The following BCAS3 variants were observed in gnomAD, a reference collection of about 807,000 sequenced individuals.
BCAS3 encodes BCAS4/BCAS3 fusion.
In BCAS3, 53 loss-of-function variants were observed where a neutral mutation model predicts 116.1. The observed-to-expected ratio is 0.46, with a 90% CI of 0.37 to 0.57. BCAS3 has a LOEUF of 0.57. BCAS3 is among the 20% of genes least tolerant of loss of function. The probability of loss-of-function intolerance (pLI) is 0.00; values close to 1 mark genes in which losing one functional copy is unlikely to be tolerated. For synonymous variants in BCAS3, 391 were observed against 408.2 expected, an observed-to-expected ratio of 0.96 and a Z score of 0.51; for missense variants, 917 against 1,165.4, an observed-to-expected ratio of 0.79 and a Z score of 3.10.
intron 7 of BCAS3, among the ~76,000 whole-genome samples, chr17:60,822,420 GA>G (rs1171598080): frequency 3.9e-5 from 6 of 152,038 alleles, no homozygotes; most frequent in African/African-American, 1.4e-4. Flanking sequence ...TTGAGTTTGT[GA>G]ATTTCTCGTT....
intron 23 of BCAS3, chr17:61,384,797 A>C (rs904256083): frequency 1.3e-5 from 2 of 152,302 alleles, no homozygotes; most frequent in African/African-American, 4.8e-5. Context: ...CGTCCTCCCA[A>C]GCGCTCACTG....
chr17:60,988,360 T>TTTTTG (rs1555651709), intron 14 of BCAS3, among the ~76,000 whole-genome samples: 153 of 134,770 alleles, frequency 1.1e-3, no homozygotes, highest in African/African-American at 4.5e-3. Flanking sequence ...TTTTTTTTTT[T>TTTTTG]ATGTATGTGT....
At chr17:61,146,106 G>GTT (rs1293114440) in intron 22 of BCAS3, among the ~76,000 whole-genome samples, 607 of 29,894 alleles carry the variant, frequency 0.02, 10 homozygotes, top group African/African-American at 0.033. Flanking sequence ...TTACTTACTG[G>GTT]TTTTTTGTTT....
At chr17:61,317,801 A>G (rs889701158) in intron 22 of BCAS3, among the ~76,000 whole-genome samples, 3 of 152,334 alleles carry the variant, frequency 2.0e-5, no homozygotes, top group African/African-American at 7.2e-5. Context: ...ATAGGACAGA[A>G]GCCTAGTAAT....
rs954937462 is a variant in BCAS3 at position 61,188,160 on chromosome 17, C to T, written c.2425+103596C>T. Among the ~76,000 whole-genome samples, 2 of 152,192 alleles carry T rather than the reference C, an allele frequency of 1.3e-5. No individual in the cohort carries two copies. The highest frequency in any genetic ancestry group is 4.8e-5 in the African/African-American group (2 of 41,456). On this transcript the variant is annotated intron_variant, in intron 22 of 23. Coordinates refer to ENST00000407086, the MANE Select transcript of BCAS3 (RefSeq NM_017679.5). The surrounding 1 kb of genome is among the most constrained non-coding windows in gnomAD (Gnocchi z 4.0). ...TAGGATTTCAGGGATGTCTTCACCCCTAAAACAATCTCTCCTTGCTATTCT... is the reference window on the plus strand; with the variant it reads ...TAGGATTTCAGGGATGTCTTCACCCTTAAAACAATCTCTCCTTGCTATTCT...
chr17:60,715,284 C>T (rs1035831811), intron 5 of BCAS3, among the ~76,000 whole-genome samples: 1 of 151,674 alleles, frequency 6.6e-6, no homozygotes, highest in South Asian at 2.1e-4. Flanking sequence ...CAGGTGTGCG[C>T]CACCACACTC....
chr17:61,247,391 A>G (rs2048054864), intron 22 of BCAS3, among the ~76,000 whole-genome samples: 1 of 152,174 alleles, frequency 6.6e-6, no homozygotes, highest in African/African-American at 2.4e-5. Context: ...TGTTTAAAAT[A>G]CTTATATTTA....
At chr17:61,182,615 G>C (rs557212960) in intron 22 of BCAS3, among the ~76,000 whole-genome samples, 17 of 152,168 alleles carry the variant, frequency 1.1e-4, no homozygotes, top group Non-Finnish European at 1.8e-4. Flanking sequence ...CCACAACGGA[G>C]TTTTAGAATA....
At chr17:61,283,308 T>G (rs932398196) in intron 22 of BCAS3, among the ~76,000 whole-genome samples, 3 of 152,188 alleles carry the variant, frequency 2.0e-5, no homozygotes, top group African/African-American at 7.2e-5. Flanking sequence ...AAGCACCCAC[T>G]CTATGCTAAG....
At chr17:60,819,716 C>A (rs2049755628) in intron 7 of BCAS3, among the ~76,000 whole-genome samples, 1 of 152,014 alleles carries the variant, frequency 6.6e-6, no homozygotes, top group African/African-American at 2.4e-5. Flanking sequence ...TCCTTCCTCC[C>A]TTCCCCTCCC....
intron 13 of BCAS3, among the ~76,000 whole-genome samples, chr17:60,927,359 G>T (rs551218878): frequency 1.8e-4 from 28 of 151,850 alleles, no homozygotes; most frequent in Non-Finnish European, 2.9e-4. Flanking sequence ...AGGTTCAAGC[G>T]ATCCTTGTGC....
Position 61,256,053 on chromosome 17 carries a change from A to T in BCAS3, c.2426-112274A>T, listed in dbSNP as rs1163851181. 2.0e-5 allele frequency among the ~76,000 whole-genome samples: 3 copies of T among 152,226 alleles called. No individual in the cohort carries two copies. Among genetic ancestry groups the T allele is most frequent in the African/African-American group, 7.2e-5 (3 of 41,534 alleles). ...CATATTTATTTTCTGATTTTTTTTAACCTTTCAGTTAATAAATGTTTTCCA... is the reference window on the plus strand; with the variant it reads ...CATATTTATTTTCTGATTTTTTTTATCCTTTCAGTTAATAAATGTTTTCCA... On this transcript the variant is annotated intron_variant, in intron 22 of 23. Transcript: ENST00000407086. The surrounding 1 kb of genome is among the most constrained non-coding windows in gnomAD (Gnocchi z 5.6).
intron 23 of BCAS3, among the ~76,000 whole-genome samples, chr17:61,373,114 G>A (rs1245877707): frequency 3.3e-5 from 5 of 150,898 alleles, no homozygotes; most frequent in Admixed American, 6.6e-5. Flanking sequence ...TTTCTGAGAC[G>A]GAGTTTCGCT....
At chr17:61,072,692 A>G (rs558448926) in intron 19 of BCAS3, among the ~76,000 whole-genome samples, 203 of 151,770 alleles carry the variant, frequency 1.3e-3, no homozygotes, top group Middle Eastern at 6.8e-3. Context: ...AAAAAAAAAA[A>G]AAGAAGAAAG....
chr17:61,045,923 A>ATTAT (rs2068100689), intron 19 of BCAS3, among the ~76,000 whole-genome samples: 2 of 19,082 alleles, frequency 1.0e-4, no homozygotes, highest in African/African-American at 9.0e-4. Flanking sequence ...TTATATATAT[A>ATTAT]ATATATATAA....
intron 22 of BCAS3, among the ~76,000 whole-genome samples, chr17:61,271,477 G>A (rs1157574126): frequency 9.0e-6 from 1 of 111,120 alleles, no homozygotes; most frequent in African/African-American, 3.4e-5. Context: ...AGGCTGGAGT[G>A]CAGTGGCGCG....
chr17:61,008,703 A>T lies in BCAS3; in HGVS notation c.1487-7048A>T, dbSNP rs574385453. On this transcript the variant is annotated intron_variant, in intron 15 of 23. Coordinates refer to ENST00000407086, the MANE Select transcript of BCAS3 (RefSeq NM_017679.5). The surrounding 1 kb of genome is among the most constrained non-coding windows in gnomAD (Gnocchi z 4.6). The stretch of plus-strand genomic sequence containing the variant: ...AAAAGTTTACCAAAAAATAAAAAAT[A>T]AAAAAATAAAAAAAAAGGCCCCGTA... 2.2e-4 allele frequency among the ~76,000 whole-genome samples: 33 copies of T among 151,690 alleles called. No individual in the cohort carries two copies. Among genetic ancestry groups the T allele is most frequent in the African/African-American group, 7.8e-4 (32 of 41,156 alleles).
intron 6 of BCAS3, among the ~76,000 whole-genome samples, chr17:60,797,894 T>G (rs991447974): frequency 2.6e-5 from 4 of 152,084 alleles, no homozygotes; most frequent in Non-Finnish European, 5.9e-5. Context: ...ATACAAAAAT[T>G]AGCCAGGCAT....
intron 7 of BCAS3, among the ~76,000 whole-genome samples, chr17:60,815,647 T>C (rs2049312420): frequency 6.6e-6 from 1 of 152,150 alleles, no homozygotes; most frequent in African/African-American, 2.4e-5. Flanking sequence ...GGCATAAATA[T>C]AGGTGATACG....
Sources: allele counts gnomAD v4.1 joint callset (sites outside exome capture counted in the v4.1 genomes callset), GRCh38; gene constraint gnomAD v4.1.1; non-coding constraint Gnocchi (gnomAD v3.1); transcripts MANE v1.5; gene names NCBI Gene and HGNC (gene_info 2026-07-23, HGNC 2026-07-21).